Variants in SHANK2 observed in about 807,000 individuals in gnomAD.
SHANK2 encodes SH3 and multiple ankyrin repeat domains 2, also known as SH3 and multiple ankyrin repeat domains protein 2.
A neutral mutation model predicts 133.7 loss-of-function variants in SHANK2; 43 were observed. The observed-to-expected ratio is 0.32, with a 90% confidence interval of 0.25 to 0.41. SHANK2 has a LOEUF of 0.41. SHANK2 is among the 10% of genes least tolerant of loss of function. The pLI is 1.00. For missense variants in SHANK2, 1,994 were observed against 2,235.8 expected (o/e 0.89, Z 2.18); for synonymous variants, 1,017 against 952.8 (o/e 1.07, Z -1.24).
At chr11:70,832,350 C>A (rs1948738170) in intron 11 of SHANK2, among the ~76,000 whole-genome samples, 1 of 152,218 alleles carries the variant, frequency 6.6e-6, no homozygotes, top group Non-Finnish European at 1.5e-5. Context: ...GATGCATTCA[C>A]ATTATCCTTC....
chr11:70,652,038 A>G (rs1437944382), intron 17 of SHANK2, among the ~76,000 whole-genome samples: 1 of 152,262 alleles, frequency 6.6e-6, no homozygotes, highest in Non-Finnish European at 1.5e-5. Flanking sequence ...GGATGCTGGC[A>G]CCAGGCAAAC....
In SHANK2 at chr11:70,535,057, G is replaced by C. The variant is rs2059526903; in HGVS notation, c.2062-32126C>G. 1.3e-5 allele frequency among the ~76,000 whole-genome samples: 2 copies of C among 152,166 alleles called. No homozygotes were observed. Among genetic ancestry groups the C allele is most frequent in the African/African-American group, 4.8e-5 (2 of 41,432 alleles). On this transcript the variant is annotated intron_variant, in intron 17 of 25. Coordinates refer to ENST00000601538, the MANE Select transcript of SHANK2 (RefSeq NM_012309.5). The surrounding 1 kb of genome is among the most constrained non-coding windows in gnomAD (Gnocchi z 4.3). ...TCACACTCTGCTTCCCACCCATGTT[G>C]AACAGGGCAGAGCTGACCTGGAGGG...
intron 17 of SHANK2, among the ~76,000 whole-genome samples, chr11:70,621,409 A>G (rs1341919385): frequency 3.3e-5 from 5 of 152,232 alleles, no homozygotes; most frequent in Non-Finnish European, 5.9e-5. Context: ...GCTATTGCTT[A>G]TGCCCTGCAC....
At chr11:70,524,846 G>A (rs1014517445) in intron 17 of SHANK2, among the ~76,000 whole-genome samples, 1 of 152,218 alleles carries the variant, frequency 6.6e-6, no homozygotes, top group Non-Finnish European at 1.5e-5. Context: ...GGAACATTCC[G>A]CTGCCTCTCA....
Position 70,820,479 on chromosome 11 carries a change from C to T in SHANK2, c.1378G>A (p.Ala460Thr), listed in dbSNP as rs1948493423. The T allele has an allele frequency of 2.8e-6, 2 of 716,694 alleles. No individual in the cohort carries two copies. Among genetic ancestry groups the T allele is most frequent in the Non-Finnish European group, 5.2e-6 (2 of 384,578 alleles). 44.4% of individuals were successfully genotyped at this position (716,694 alleles called of 1,614,324 possible). Residue 460 changes from alanine (A) to threonine (T), a missense_variant, in exon 12 of 26, where the codon GCC becomes ACC. By Grantham distance (58) the Ala-to-Thr change is moderately conservative. Coordinates refer to ENST00000601538, the MANE Select transcript of SHANK2 (RefSeq NM_012309.5). ...ACGTAGCTCCCAATGGTCTTCGCGG[C>T]CCCCTCGGGCTTGCTGGGCATCTGC... ...LQQMPSKPEGAAKTIGSYVPG... is the reference protein window; with the variant it reads ...LQQMPSKPEGTAKTIGSYVPG...
At chr11:71,107,814 G>T (rs914175041) in intron 6 of SHANK2, among the ~76,000 whole-genome samples, 2 of 152,212 alleles carry the variant, frequency 1.3e-5, no homozygotes, top group Non-Finnish European at 2.9e-5. Flanking sequence ...GACATTAACA[G>T]TCTGGTGGAG....
chr11:70,848,571 T>TA (rs1949034858), intron 11 of SHANK2, among the ~76,000 whole-genome samples: 2 of 152,142 alleles, frequency 1.3e-5, no homozygotes, highest in African/African-American at 4.8e-5. Flanking sequence ...ATCAGGACCT[T>TA]AAAGGCCCTT....
rs1265916189 is a variant in SHANK2 at position 71,092,605 on chromosome 11, T to G, written c.745-16A>C. 1.7e-5 allele frequency: 26 copies of G among 1,549,330 alleles called. No individual in the cohort carries two copies. The Admixed American group carries it at 4.7e-4, about 28-fold the overall frequency. On this transcript the variant is annotated splice_polypyrimidine_tract_variant and intron_variant, in intron 7 of 25. Coordinates refer to ENST00000601538, the MANE Select transcript of SHANK2 (RefSeq NM_012309.5). The stretch of plus-strand genomic sequence containing the variant: ...CTAAAAGGGTCTAGGAAAAAAAAAT[T>G]GAAAGCCGTCGTTATTGGTCTCATG...
chr11:71,104,055 A>G (rs1253662037), intron 6 of SHANK2, among the ~76,000 whole-genome samples: 1 of 151,966 alleles, frequency 6.6e-6, no homozygotes, highest in African/African-American at 2.4e-5. Flanking sequence ...AGCCTGCAGA[A>G]CCTAGAGCCA....
chr11:70,831,977 C>T (rs1053866634), intron 11 of SHANK2, among the ~76,000 whole-genome samples: 2 of 152,236 alleles, frequency 1.3e-5, no homozygotes, highest in East Asian at 3.9e-4. Context: ...AATAGCACAA[C>T]TTACCCCACA....
At chr11:71,220,670 G>C (rs1954517685) in intron 2 of SHANK2, among the ~76,000 whole-genome samples, 1 of 152,104 alleles carries the variant, frequency 6.6e-6, no homozygotes, top group Admixed American at 6.6e-5. Flanking sequence ...AGTGAAAGAA[G>C]TCAGGCACAA....
intron 11 of SHANK2, among the ~76,000 whole-genome samples, chr11:70,834,368 A>T (rs2135408294): frequency 6.6e-6 from 1 of 152,362 alleles, no homozygotes; most frequent in South Asian, 2.1e-4. Flanking sequence ...GGGGAGCCGA[A>T]AAAAGAAAAC....
chr11:71,216,577 G>A (rs112727222), intron 2 of SHANK2, among the ~76,000 whole-genome samples: 1,597 of 152,294 alleles, frequency 0.01, 14 homozygotes, highest in Admixed American at 0.022. Context: ...GGTGATGACT[G>A]CGCCACTCTG....
chr11:70,698,661 C>G, intron 15 of SHANK2, 27 bp downstream of exon 15: 4 of 718,574 alleles, frequency 5.6e-6, no homozygotes, highest in Non-Finnish European at 1.0e-5. Flanking sequence ...ACCAGAGGGT[C>G]CTGGAAGAGA....
rs72937524 is a variant in SHANK2, at chr11:70,817,379, G to C, written c.1493+2985C>G. 7.0e-3 allele frequency among the ~76,000 whole-genome samples: 1,065 copies of C among 152,330 alleles called. 4 individuals carry two copies. Among genetic ancestry groups the C allele is most frequent in the Non-Finnish European group, 0.011 (725 of 68,026 alleles). On this transcript the variant is annotated intron_variant, in intron 12 of 25. Transcript: ENST00000601538. ...ATATGGACAGGGAGGCTGTGAAGGG[G>C]TGGGGAAAGGGAAGATGGAACAAGG...
chr11:70,766,903 A>T (rs1947134712), intron 14 of SHANK2, among the ~76,000 whole-genome samples: 2 of 152,198 alleles, frequency 1.3e-5, no homozygotes, highest in Non-Finnish European at 2.9e-5. Context: ...GGTGATTTTT[A>T]ACCACACGGA....
At chr11:70,937,531 C>T (rs1215107197) in intron 10 of SHANK2, among the ~76,000 whole-genome samples, 1 of 152,194 alleles carries the variant, frequency 6.6e-6, no homozygotes, top group Non-Finnish European at 1.5e-5. Context: ...CAATTGGTGG[C>T]CAATGCACCT....
intron 2 of SHANK2, among the ~76,000 whole-genome samples, chr11:71,163,111 T>TATATATATATATATATATATAC (rs1168851236): frequency 1.4e-5 from 2 of 137,960 alleles, no homozygotes; most frequent in Non-Finnish European, 3.1e-5. Context: ...TATATATATA[T>TATATATATATATATATATATAC]ACAGAATAGA....
At chr11:70,772,203 G>T (rs536516662) in intron 14 of SHANK2, among the ~76,000 whole-genome samples, 1 of 152,258 alleles carries the variant, frequency 6.6e-6, no homozygotes, top group South Asian at 2.1e-4. Flanking sequence ...ACTTTGGGAG[G>T]CTGAGGCAGG....
Sources: gnomAD v4.1 joint callset for allele counts (sites outside exome capture counted in the v4.1 genomes callset) on GRCh38, gnomAD v4.1.1 for gene constraint, Gnocchi (gnomAD v3.1) non-coding constraint, MANE v1.5 for transcripts, NCBI Gene and HGNC (gene_info 2026-07-23, HGNC 2026-07-21) for gene names.